Variants in LAMB4 observed in about 807,000 individuals in gnomAD.
LAMB4 encodes the protein laminin subunit beta 4.
In LAMB4, 196 loss-of-function variants were observed where a neutral mutation model predicts 199.2. The observed-to-expected ratio is 0.98, with a 90% CI of 0.88 to 1.11. The LOEUF is 1.11. Ranked by LOEUF, LAMB4 falls within the 50% of genes least tolerant of loss-of-function variation. The probability of loss-of-function intolerance (pLI) is 0.00; values close to 1 mark genes in which losing one functional copy is unlikely to be tolerated. For missense variants in LAMB4, 2,080 were observed against 2,171.2 expected, an observed-to-expected ratio of 0.96 and a Z score of 0.83; for synonymous variants, 744 against 770.6, an observed-to-expected ratio of 0.97 and a Z score of 0.57.
At chr7:108,091,044 T>C (rs2037380673) in intron 14 of LAMB4, among the ~76,000 whole-genome samples, 1 of 152,092 alleles carries the variant, frequency 6.6e-6, no homozygotes, top group South Asian at 2.1e-4. Context: ...AATCCTGTCT[T>C]AGGGATCAAC....
At chr7:108,062,680 C>T in intron 23 of LAMB4, 94 bp downstream of exon 23, 2 of 667,276 alleles carry the variant, frequency 3.0e-6, no homozygotes, top group Middle Eastern at 3.0e-4. Context: ...TAATTAACAA[C>T]AGTACATAAA....
chr7:108,111,000 G>T (rs2038204298), intron 4 of LAMB4, among the ~76,000 whole-genome samples: 2 of 152,140 alleles, frequency 1.3e-5, no homozygotes, highest in Admixed American at 1.3e-4. Context: ...GGAGTTTGTA[G>T]AGAATAGAGG....
At chr7:108,053,547 G>A (rs1356954528) in intron 25 of LAMB4, among the ~76,000 whole-genome samples, 1 of 152,240 alleles carries the variant, frequency 6.6e-6, no homozygotes, top group African/African-American at 2.4e-5. Context: ...AAAGGCTTCA[G>A]GGAGGAGGTG....
At chr7:108,022,241 A>G (rs1327592183), downstream of LAMB4, among the ~76,000 whole-genome samples, 1 of 152,228 alleles carries the variant, frequency 6.6e-6, no homozygotes, top group Non-Finnish European at 1.5e-5. Context: ...GATTGCATCC[A>G]AGAACTCAGA....
At chr7:108,124,735 A>G (rs1160131593) in intron 1 of LAMB4, among the ~76,000 whole-genome samples, 5 of 152,086 alleles carry the variant, frequency 3.3e-5, no homozygotes, top group Admixed American at 2.0e-4. Context: ...CGTATTTTCA[A>G]GTGAGACTAT....
Position 108,106,521 on chromosome 7 carries a change from G to C in LAMB4, c.643C>G (p.Pro215Ala). ...AAGGAATTCATACCTTGGATGTAGG[G>C]GCTATAAGGGTTTTCAATTTCAAAA... is the stretch of plus-strand genomic sequence containing the variant. ...PSFEIENPYSPYIQDLVTLTN... is the reference protein window; with the variant it reads ...PSFEIENPYSAYIQDLVTLTN... The change falls in exon 7 of 34, where the codon CCC becomes GCC. Residue 215 changes from proline to alanine, a missense_variant. By Grantham distance (27) the Pro-to-Ala change is conservative. Coordinates refer to ENST00000388781, the MANE Select transcript of LAMB4 (RefSeq NM_007356.3). 6.3e-7 allele frequency: 1 copy of C among 1,578,154 alleles called. No homozygotes were observed. Among genetic ancestry groups the C allele is most frequent in the Non-Finnish European group, 8.7e-7 (1 of 1,150,688 alleles).
chr7:108,036,234 G>A (rs2035225651), intron 30 of LAMB4, among the ~76,000 whole-genome samples: 1 of 150,420 alleles, frequency 6.6e-6, no homozygotes, highest in Non-Finnish European at 1.5e-5. Flanking sequence ...TTGTTGCCCA[G>A]GCTGGAGTGC....
At chr7:108,097,823 C>G (rs1343468821) in intron 11 of LAMB4, among the ~76,000 whole-genome samples, 1 of 152,182 alleles carries the variant, frequency 6.6e-6, no homozygotes, top group African/African-American at 2.4e-5. Flanking sequence ...ATGTAGAGGT[C>G]TAGTGGAAAC....
At chr7:108,126,735 T>A (rs2038801377) in intron 1 of LAMB4, among the ~76,000 whole-genome samples, 1 of 143,068 alleles carries the variant, frequency 7.0e-6, no homozygotes, top group African/African-American at 3.0e-5. Context: ...CGACTAATTT[T>A]TTTTTTGTAT....
At chr7:108,070,965 G>A (rs1050044675) in intron 17 of LAMB4, among the ~76,000 whole-genome samples, 3 of 152,112 alleles carry the variant, frequency 2.0e-5, no homozygotes, top group South Asian at 2.1e-4. Context: ...CCAGGCTCTC[G>A]AGTCTTACCA....
At chr7:108,031,435 C>T (rs2035036713) in intron 31 of LAMB4, among the ~76,000 whole-genome samples, 1 of 150,580 alleles carries the variant, frequency 6.6e-6, no homozygotes, top group Non-Finnish European at 1.5e-5. Context: ...TATCCACCAG[C>T]CAGTTTAAGA....
chr7:108,129,101 C>T (rs1163896177), intron 1 of LAMB4, among the ~76,000 whole-genome samples: 2 of 152,178 alleles, frequency 1.3e-5, no homozygotes, highest in Non-Finnish European at 2.9e-5. Context: ...ATATTTGCCT[C>T]ATCTGCTCTC....
chr7:108,063,636 C>G, intron 22 of LAMB4, 125 bp downstream of exon 22: 1 of 815,602 alleles, frequency 1.2e-6, no homozygotes, highest in Non-Finnish European at 2.1e-6. Context: ...AGCCCTGTCA[C>G]CTAGTGGGTG....
intron 17 of LAMB4, among the ~76,000 whole-genome samples, chr7:108,073,573 G>C (rs11978694): frequency 0.14 from 21,476 of 152,176 alleles, 2,325 homozygotes; most frequent in African/African-American, 0.3. Flanking sequence ...ATAAACAAAG[G>C]TTTCCTTTGG....
intron 1 of LAMB4, among the ~76,000 whole-genome samples, chr7:108,126,719 C>G (rs1277947426): frequency 6.7e-6 from 1 of 148,906 alleles, no homozygotes; most frequent in African/African-American, 2.6e-5. Flanking sequence ...CGCCCGCCAC[C>G]GCGCCCGACT....
chr7:108,117,223 A>T (rs2038438828), intron 2 of LAMB4, among the ~76,000 whole-genome samples: 1 of 152,200 alleles, frequency 6.6e-6, no homozygotes. Flanking sequence ...ACAAATCCTA[A>T]CATAACGTTT....
At chr7:108,021,668 C>A (rs554138859), downstream of LAMB4, among the ~76,000 whole-genome samples, 1 of 151,990 alleles carries the variant, frequency 6.6e-6, no homozygotes, top group South Asian at 2.1e-4. Flanking sequence ...GAGATCACAC[C>A]ATTGCACTCC....
chr7:108,024,043 C>CTA lies in LAMB4; in HGVS notation c.5280_5281dup (p.Ser1761IlefsTer6), dbSNP rs777781054. On this transcript the variant is annotated frameshift_variant, in exon 34 of 34. Coordinates refer to ENST00000388781, the MANE Select transcript of LAMB4 (RefSeq NM_007356.3). LOFTEE classifies it high-confidence loss of function. ...GCTTTTGCTCTTTAACTCTGCCTAG[C>CTA]TATAGCACCTAGCATATTTTTTTTC... The CTA allele has an allele frequency of 8.1e-6, 13 of 1,607,478 alleles. No homozygotes were observed. In the Admixed American group the frequency reaches 2.2e-4, roughly 27 times the overall value.
intron 1 of LAMB4, among the ~76,000 whole-genome samples, chr7:108,124,511 T>C (rs764571722): frequency 3.3e-5 from 5 of 152,160 alleles, no homozygotes; most frequent in Non-Finnish European, 5.9e-5. Context: ...TATACATATG[T>C]ATATGTGTGT....
Sources: gnomAD v4.1 joint callset for allele counts (sites outside exome capture counted in the v4.1 genomes callset) on GRCh38, gnomAD v4.1.1 for gene constraint, MANE v1.5 for transcripts, NCBI Gene and HGNC (gene_info 2026-07-23, HGNC 2026-07-21) for gene names.